The following GALNT13 variants were observed in gnomAD, a reference collection of about 807,000 sequenced individuals.
GALNT13 encodes the protein polypeptide N-acetylgalactosaminyltransferase 13, also known as UDP-GalNAc:polypeptide N-acetylgalactosaminyltransferase 13.
A neutral mutation model predicts 64.2 loss-of-function variants in GALNT13; 28 were observed. That is an observed-to-expected ratio of 0.44 (90% CI 0.32 to 0.60). The LOEUF (loss-of-function observed/expected upper bound fraction) is 0.60, where lower values mean the gene tolerates loss of function less well. Among genes scored for constraint, GALNT13 ranks in the 20% least tolerant of loss-of-function variants. The pLI, the probability that GALNT13 is intolerant of heterozygous loss-of-function variation, is 0.05. For missense variants in GALNT13, 577 were observed against 669.8 expected (o/e 0.86, Z 1.53); for synonymous variants, 214 against 224.6 (o/e 0.95, Z 0.42).
At chr2:154,275,781 C>T (rs1438527850) in intron 8 of GALNT13, among the ~76,000 whole-genome samples, 3 of 152,186 alleles carry the variant, frequency 2.0e-5, no homozygotes, top group African/African-American at 7.2e-5. Context: ...ACAGCTTGCA[C>T]TGTGTACCTG....
chr2:154,010,591 G>T (rs1454153928), intron 3 of GALNT13, among the ~76,000 whole-genome samples: 3 of 152,048 alleles, frequency 2.0e-5, no homozygotes, highest in Non-Finnish European at 4.4e-5. Flanking sequence ...TTAAGATGAT[G>T]CTAGCCTCTT....
chr2:154,004,206 A>ATT (rs11448535), intron 3 of GALNT13, among the ~76,000 whole-genome samples: 7 of 143,818 alleles, frequency 4.9e-5, no homozygotes, highest in Admixed American at 2.0e-4. Flanking sequence ...ATTTCCTTTA[A>ATT]TTTTTTTTTG....
the GALNT13 span, among the ~76,000 whole-genome samples, chr2:153,803,748 ATC>A: frequency 6.6e-6 from 1 of 151,190 alleles, no homozygotes; most frequent in Non-Finnish European, 1.5e-5. Flanking sequence ...AGAGAGATTG[ATC>A]TCTCTCTCCA....
chr2:153,080,698 G>T, the GALNT13 span, among the ~76,000 whole-genome samples: 12 of 152,080 alleles, frequency 7.9e-5, no homozygotes, highest in East Asian at 2.1e-3. Context: ...ATCTTTCTTG[G>T]ATTAGGAGAG....
chr2:153,222,618 A>G, the GALNT13 span, among the ~76,000 whole-genome samples: 1 of 152,082 alleles, frequency 6.6e-6, no homozygotes, highest in Non-Finnish European at 1.5e-5. Flanking sequence ...CTGCCGAGGG[A>G]CACCTGCAGG....
At chr2:153,704,203 C>T in the GALNT13 span, among the ~76,000 whole-genome samples, 2 of 152,126 alleles carry the variant, frequency 1.3e-5, no homozygotes, top group Admixed American at 6.5e-5. Flanking sequence ...AAAAACCAAA[C>T]ATCACTCAAC....
At chr2:154,281,777 T>A (rs1691975567) in intron 8 of GALNT13, among the ~76,000 whole-genome samples, 1 of 152,090 alleles carries the variant, frequency 6.6e-6, no homozygotes, top group Non-Finnish European at 1.5e-5. Context: ...TACACACCTT[T>A]GCATTCTTTC....
the GALNT13 span, among the ~76,000 whole-genome samples, chr2:153,708,320 C>T: frequency 6.6e-6 from 1 of 152,088 alleles, no homozygotes; most frequent in Non-Finnish European, 1.5e-5. Flanking sequence ...TTCTCCCAGG[C>T]AATTCTACTT....
intron 3 of GALNT13, among the ~76,000 whole-genome samples, chr2:154,085,506 A>C (rs796994362): frequency 6.6e-5 from 10 of 152,152 alleles, no homozygotes; most frequent in African/African-American, 2.4e-4. Flanking sequence ...ACAGGATGGT[A>C]TAAAAGAGTT....
chr2:153,874,211 G>A (rs1195894159), intron 1 of GALNT13, among the ~76,000 whole-genome samples: 11 of 150,342 alleles, frequency 7.3e-5, no homozygotes, highest in Non-Finnish European at 1.2e-4. Context: ...AATTTGCGTA[G>A]CCTAAGGCAG....
At chr2:153,573,469 T>G in the GALNT13 span, among the ~76,000 whole-genome samples, 2 of 152,076 alleles carry the variant, frequency 1.3e-5, no homozygotes, top group African/African-American at 4.8e-5. Flanking sequence ...AAGTAAGGAC[T>G]TCTTTCTGCT....
chr2:154,230,449 A>G (rs949582127), intron 4 of GALNT13, among the ~76,000 whole-genome samples: 1 of 152,044 alleles, frequency 6.6e-6, no homozygotes, highest in Non-Finnish European at 1.5e-5. Context: ...AGGCCACAAC[A>G]TTTACTTGGT....
the GALNT13 span, among the ~76,000 whole-genome samples, chr2:153,161,492 A>G: frequency 2.6e-5 from 4 of 152,186 alleles, no homozygotes; most frequent in Non-Finnish European, 5.9e-5. Context: ...AGATCAAAGT[A>G]AGGGGATCAG....
rs143658432 is a variant in GALNT13, at chr2:154,357,794, G to A, written c.1157-38197G>A. ...AGTGATGGCAGATGTAGATAACATC[G>A]GTCTTTCAGTGTATGCTTCATGGAG... On this transcript the variant is annotated intron_variant, in intron 9 of 12. Transcript: ENST00000392825. Among the ~76,000 whole-genome samples, 10 of 152,066 alleles carry A rather than the reference G, an allele frequency of 6.6e-5. No individual in the cohort carries two copies. In the East Asian group the frequency reaches 1.2e-3, roughly 18 times the overall value.
At chr2:153,823,411 G>C in the GALNT13 span, among the ~76,000 whole-genome samples, 1 of 152,106 alleles carries the variant, frequency 6.6e-6, no homozygotes, top group Non-Finnish European at 1.5e-5. Context: ...GCATGGTACT[G>C]GTACAAAACA....
At chr2:153,370,012 T>A in the GALNT13 span, among the ~76,000 whole-genome samples, 2 of 152,152 alleles carry the variant, frequency 1.3e-5, no homozygotes, top group African/African-American at 4.8e-5. Context: ...TAATTTTAGG[T>A]ATAATTTGAT....
chr2:154,186,723 A>G (rs1460815040), intron 4 of GALNT13, among the ~76,000 whole-genome samples: 1 of 152,132 alleles, frequency 6.6e-6, no homozygotes, highest in Non-Finnish European at 1.5e-5. Flanking sequence ...TCACAGTCCT[A>G]GTAGACTTAC....
chr2:153,385,958 C>G, the GALNT13 span, among the ~76,000 whole-genome samples: 1 of 151,880 alleles, frequency 6.6e-6, no homozygotes, highest in African/African-American at 2.4e-5. Flanking sequence ...TGAAAATCCA[C>G]TTTTCTGGAT....
chr2:154,075,089 AG>A (rs1287807047), intron 3 of GALNT13, among the ~76,000 whole-genome samples: 1 of 151,866 alleles, frequency 6.6e-6, no homozygotes, highest in East Asian at 1.9e-4. Context: ...GTAAACAAAT[AG>A]GAAGAGAGGA....
Sources: allele counts gnomAD v4.1 joint callset (sites outside exome capture counted in the v4.1 genomes callset), GRCh38; gene constraint gnomAD v4.1.1; transcripts MANE v1.5; gene names NCBI Gene and HGNC (gene_info 2026-07-23, HGNC 2026-07-21).